Variants in GUCY1A2 observed in about 807,000 individuals in gnomAD.
GUCY1A2 encodes guanylate cyclase soluble subunit alpha-2.
In GUCY1A2, 27 loss-of-function variants were observed where a neutral mutation model predicts 63.5. The ratio of observed to expected loss-of-function variants is 0.43; its 90% CI spans 0.31 to 0.59. The LOEUF (loss-of-function observed/expected upper bound fraction) is 0.59, where lower values mean the gene tolerates loss of function less well. Among genes scored for constraint, GUCY1A2 ranks in the 20% least tolerant of loss-of-function variants. The pLI is 0.11. For synonymous variants in GUCY1A2, 364 were observed against 343.5 expected (o/e 1.06, Z -0.66); for missense variants, 768 against 913.3 (o/e 0.84, Z 2.05).
intron 5 of GUCY1A2, among the ~76,000 whole-genome samples, chr11:106,798,923 G>A (rs1292764584): frequency 2.0e-5 from 3 of 152,150 alleles, no homozygotes; most frequent in African/African-American, 7.2e-5. Context: ...AGGGCAATCA[G>A]GCAGGAGAGA....
At chr11:106,850,970 A>G (rs1859345702) in intron 4 of GUCY1A2, among the ~76,000 whole-genome samples, 1 of 151,754 alleles carries the variant, frequency 6.6e-6, no homozygotes, top group African/African-American at 2.4e-5. Flanking sequence ...AGTGTATAGG[A>G]GTTTCCTTTT....
At chr11:106,732,424 T>C (rs1863521073) in intron 6 of GUCY1A2, among the ~76,000 whole-genome samples, 1 of 152,130 alleles carries the variant, frequency 6.6e-6, no homozygotes, top group South Asian at 2.1e-4. Flanking sequence ...TTTAAGTACA[T>C]AAAGTTAGCT....
chr11:106,802,019 T>C (rs1224304751), intron 5 of GUCY1A2, among the ~76,000 whole-genome samples: 1 of 152,198 alleles, frequency 6.6e-6, no homozygotes, highest in African/African-American at 2.4e-5. Context: ...TTCAGAAATT[T>C]TCACTTTTTA....
intron 3 of GUCY1A2, among the ~76,000 whole-genome samples, chr11:106,977,158 T>C (rs1591351384): frequency 2.0e-5 from 3 of 152,248 alleles, no homozygotes; most frequent in East Asian, 1.9e-4. Flanking sequence ...ATATTAAACA[T>C]CCCTTCACTG....
At chr11:106,770,053 ACAAAAATAAC>A (rs1374320631) in intron 6 of GUCY1A2, among the ~76,000 whole-genome samples, 1 of 152,020 alleles carries the variant, frequency 6.6e-6, no homozygotes, top group Non-Finnish European at 1.5e-5. Flanking sequence ...AATATAACAA[ACAAAAATAAC>A]AATTCAACAA....
intron 4 of GUCY1A2, among the ~76,000 whole-genome samples, chr11:106,898,129 G>A (rs7101629): frequency 0.89 from 135,396 of 152,250 alleles, 60,288 homozygotes; most frequent in East Asian, 1. Flanking sequence ...GAAAAATGCA[G>A]ATTAAAACAA....
At chr11:106,936,029 G>T (rs939829169) in intron 4 of GUCY1A2, among the ~76,000 whole-genome samples, 3 of 152,042 alleles carry the variant, frequency 2.0e-5, no homozygotes, top group African/African-American at 7.2e-5. Flanking sequence ...GATCATGGCT[G>T]TCAGAGACAC....
At chr11:106,802,048 A>T (rs761264174) in intron 5 of GUCY1A2, among the ~76,000 whole-genome samples, 3 of 152,174 alleles carry the variant, frequency 2.0e-5, no homozygotes, top group African/African-American at 4.8e-5. Context: ...TTATTAAGTG[A>T]TAAATAGTGG....
At chr11:106,980,324 G>T (rs551936572) in intron 2 of GUCY1A2, among the ~76,000 whole-genome samples, 3 of 152,314 alleles carry the variant, frequency 2.0e-5, no homozygotes, top group East Asian at 3.9e-4. Context: ...AAGTCCTTAG[G>T]TGCAGGAGCT....
intron 4 of GUCY1A2, among the ~76,000 whole-genome samples, chr11:106,845,180 G>A (rs1385298560): frequency 6.6e-6 from 1 of 151,282 alleles, no homozygotes; most frequent in Non-Finnish European, 1.5e-5. Flanking sequence ...GTCTACTCCA[G>A]GCCAAATATA....
chr11:106,765,347 C>T (rs1257468886), intron 6 of GUCY1A2, among the ~76,000 whole-genome samples: 1 of 151,994 alleles, frequency 6.6e-6, no homozygotes, highest in Non-Finnish European at 1.5e-5. Context: ...CCAAACCTCT[C>T]GATGTTAAGG....
intron 4 of GUCY1A2, among the ~76,000 whole-genome samples, chr11:106,849,002 T>C (rs946471908): frequency 1.3e-5 from 2 of 151,800 alleles, no homozygotes; most frequent in African/African-American, 4.8e-5. Flanking sequence ...TACCATTTTC[T>C]GTACAAAAAT....
At chr11:107,004,506 C>T (rs1033960599) in intron 1 of GUCY1A2, among the ~76,000 whole-genome samples, 1 of 152,010 alleles carries the variant, frequency 6.6e-6, no homozygotes, top group Admixed American at 6.6e-5. Flanking sequence ...TGAAGTGACA[C>T]TATACATCAA....
chr11:106,824,167 C>T, intron 4 of GUCY1A2: 1 of 1,427,394 alleles, frequency 7.0e-7, no homozygotes, highest in East Asian at 2.6e-5. Context: ...ACAAAGTCCA[C>T]ACAGAACTCT....
At chr11:106,803,217 C>G (rs1858635127) in intron 5 of GUCY1A2, among the ~76,000 whole-genome samples, 1 of 152,148 alleles carries the variant, frequency 6.6e-6, no homozygotes, top group Admixed American at 6.5e-5. Flanking sequence ...TGGTCACAGA[C>G]ATCCCACGAG....
At chr11:106,855,475 T>C (rs2135453353) in intron 4 of GUCY1A2, among the ~76,000 whole-genome samples, 1 of 140,380 alleles carries the variant, frequency 7.1e-6, no homozygotes, top group South Asian at 2.2e-4. Flanking sequence ...GCTGTTTTGG[T>C]CCTTTTTTTT....
chr11:107,013,694 T>C (rs1166957105), intron 1 of GUCY1A2, among the ~76,000 whole-genome samples: 1 of 151,868 alleles, frequency 6.6e-6, no homozygotes, highest in Non-Finnish European at 1.5e-5. Flanking sequence ...ATTACAGGCG[T>C]GCATCATCAT....
At chr11:106,758,857 C>T (rs1386761938) in intron 6 of GUCY1A2, among the ~76,000 whole-genome samples, 2 of 152,082 alleles carry the variant, frequency 1.3e-5, no homozygotes, top group African/African-American at 4.8e-5. Context: ...TTTGTTGACA[C>T]ACTGGGGCCA....
intron 6 of GUCY1A2, among the ~76,000 whole-genome samples, chr11:106,743,318 T>G (rs1012798122): frequency 2.0e-5 from 3 of 152,168 alleles, no homozygotes; most frequent in Non-Finnish European, 4.4e-5. Flanking sequence ...GTGACCACAA[T>G]GGTTCTAACA....
Sources: allele counts gnomAD v4.1 joint callset (sites outside exome capture counted in the v4.1 genomes callset), GRCh38; gene constraint gnomAD v4.1.1; transcripts MANE v1.5; gene names NCBI Gene and HGNC (gene_info 2026-07-23, HGNC 2026-07-21).